The following CADM4 variants were observed in gnomAD, a reference collection of about 807,000 sequenced individuals.
CADM4 encodes TSLC1-like 2.
CADM4 carries 13 observed loss-of-function variants against 43.9 expected under a neutral mutation model. That is an observed-to-expected ratio of 0.30 (90% CI 0.19 to 0.47). CADM4 has a LOEUF of 0.47. Ranked by LOEUF, CADM4 falls within the 20% of genes least tolerant of loss-of-function variation. CADM4 has a pLI of 1.00. For missense variants in CADM4, 420 were observed against 527.0 expected (o/e 0.80, Z 1.99); for synonymous variants, 209 against 220.9 (o/e 0.95, Z 0.48).
upstream of CADM4, among the ~76,000 whole-genome samples, chr19:43,641,313 C>T (rs1973769149): frequency 6.6e-6 from 1 of 152,102 alleles, no homozygotes; most frequent in African/African-American, 2.4e-5. Flanking sequence ...ACATCCAGTC[C>T]CACAAGGGAC....
intron 1 of CADM4, among the ~76,000 whole-genome samples, chr19:43,637,017 TCTC>T (rs1366925216): frequency 6.6e-6 from 1 of 152,112 alleles, no homozygotes; most frequent in African/African-American, 2.4e-5. Context: ...ATCTGTTTCC[TCTC>T]CTCCTTTCTG....
intron 1 of CADM4, among the ~76,000 whole-genome samples, chr19:43,638,491 C>G (rs1169481667): frequency 6.6e-6 from 1 of 152,248 alleles, no homozygotes; most frequent in Non-Finnish European, 1.5e-5. Context: ...CCTTCCAATC[C>G]TCTGTTCCTT....
At chr19:43,634,026 T>C (rs796224221) in intron 1 of CADM4, among the ~76,000 whole-genome samples, 12 of 152,150 alleles carry the variant, frequency 7.9e-5, no homozygotes, top group African/African-American at 2.9e-4. Flanking sequence ...CCCGACAACT[T>C]TGTGACATCA....
intron 7 of CADM4, 101 bp from the exon 8 acceptor site, chr19:43,624,343 T>C: frequency 6.9e-7 from 1 of 1,449,846 alleles, no homozygotes; most frequent in Admixed American, 2.0e-5. Flanking sequence ...CGTCTAACCG[T>C]GCCCTTTTAT....
At chr19:43,632,493 T>TA (rs1384696557) in intron 1 of CADM4, among the ~76,000 whole-genome samples, 1 of 152,130 alleles carries the variant, frequency 6.6e-6, no homozygotes, top group African/African-American at 2.4e-5. Flanking sequence ...TAGAATAAAA[T>TA]AGAGACCCCT....
rs1201232911 is a variant in CADM4, at chr19:43,625,580, AT to A, written c.755+330del. 2.6e-5 allele frequency among the ~76,000 whole-genome samples: 4 copies of A among 151,178 alleles called. No individual in the cohort carries two copies. Among genetic ancestry groups the A allele is most frequent in the Admixed American group, 6.6e-5 (1 of 15,178 alleles). Reference sequence around the variant, plus strand: ...GAGACCCCGTCACTACAATTAAAAAATAATAATAATAATAATAATAATTCTA... The same window carrying A: ...GAGACCCCGTCACTACAATTAAAAAAAATAATAATAATAATAATAATTCTA... On this transcript the variant is annotated intron_variant, in intron 6 of 8. Transcript: ENST00000222374. The surrounding 1 kb of genome is among the most constrained non-coding windows in gnomAD (Gnocchi z 4.5).
intron 1 of CADM4, among the ~76,000 whole-genome samples, chr19:43,633,664 C>CTCTTTCTCTT (rs1555777269): frequency 6.1e-4 from 90 of 148,458 alleles, no homozygotes; most frequent in South Asian, 3.9e-3. Context: ...CTTTCTCTCT[C>CTCTTTCTCTT]TCTTTCTTTC....
At chr19:43,638,563 G>A (rs1973731586) in intron 1 of CADM4, among the ~76,000 whole-genome samples, 2 of 152,238 alleles carry the variant, frequency 1.3e-5, no homozygotes. Flanking sequence ...CTTACACAGT[G>A]TGAGAGTGTG....
rs1973467181 is a variant in CADM4 at position 43,623,255 on chromosome 19, T to C, written c.*75A>G. The C allele has an allele frequency of 9.6e-7, 1 of 1,045,422 alleles. No homozygotes were observed. The highest frequency in any genetic ancestry group is 1.5e-6 in the Non-Finnish European group (1 of 670,452). 64.8% of individuals were successfully genotyped at this position (1,045,422 alleles called of 1,614,324 possible). ...CCATCCCAGACTCTGGTAAATGTCT[T>C]TGCTGGTTCCTTGCAGCTGGCAGTG... On this transcript the variant is annotated 3_prime_UTR_variant, in exon 9 of 9. Transcript: ENST00000222374. This position sits in a 1 kb window ranked among gnomAD's most constrained non-coding sequence, Gnocchi z 4.4.
chr19:43,623,215 G>T lies in CADM4; in HGVS notation c.*115C>A. 2 of 757,118 alleles carry T rather than the reference G, an allele frequency of 2.6e-6. No individual in the cohort carries two copies. Among genetic ancestry groups the T allele is most frequent in the Admixed American group, 1.9e-5 (1 of 53,398 alleles). 46.9% of individuals were successfully genotyped at this position (757,118 alleles called of 1,614,324 possible). ...CCCAAGCGTCTGAGGTGTTAGTGGT[G>T]GGGGGAGAAGCCCACCATCCCAGAC... On this transcript the variant is annotated 3_prime_UTR_variant, in exon 9 of 9. Transcript: ENST00000222374. This position sits in a 1 kb window ranked among gnomAD's most constrained non-coding sequence, Gnocchi z 4.4.
intron 1 of CADM4, among the ~76,000 whole-genome samples, chr19:43,632,552 C>T (rs905803557): frequency 2.0e-5 from 3 of 152,136 alleles, no homozygotes; most frequent in East Asian, 1.9e-4. Flanking sequence ...GCTGACCTTA[C>T]TTCACTCTGG....
chr19:43,626,882 T>C lies in CADM4; in HGVS notation c.401A>G (p.Gln134Arg). The C allele has an allele frequency of 6.2e-7, 1 of 1,608,014 alleles. No homozygotes were observed. The highest frequency in any genetic ancestry group is 8.5e-7 in the Non-Finnish European group (1 of 1,178,254). ...PENPVVEVRE[Q>R]AVEGGEVELS... ...CTCCACCTCGCCGCCCTCTACCGCC[T>C]GCTCCCGGACCTCCACCACAGGATT... Residue 134 changes from glutamine (Q) to arginine (R), a missense_variant, in exon 4 of 9, where the codon CAG (glutamine) becomes CGG (arginine). Physicochemically the swap from Gln to Arg is conservative, Grantham distance 43. Coordinates refer to ENST00000222374, the MANE Select transcript of CADM4 (RefSeq NM_145296.2). This position sits in a 1 kb window ranked among gnomAD's most constrained non-coding sequence, Gnocchi z 5.9.
chr19:43,639,866 C>A (rs1239285011), upstream of CADM4: 1 of 972,592 alleles, frequency 1.0e-6, no homozygotes, highest in Admixed American at 6.4e-5. Context: ...CCCCGCCCCC[C>A]GCGCCCCGCC....
chr19:43,639,618 C>T (rs1156256091), intron 1 of CADM4, 109 bp downstream of exon 1: 3 of 661,914 alleles, frequency 4.5e-6, no homozygotes, highest in African/African-American at 2.0e-5. Context: ...GGGGCCCGGC[C>T]CGGCCCCGCG....
chr19:43,635,224 C>A (rs1027288661), intron 1 of CADM4, among the ~76,000 whole-genome samples: 1 of 152,012 alleles, frequency 6.6e-6, no homozygotes, highest in Non-Finnish European at 1.5e-5. Flanking sequence ...ACCACCACCC[C>A]CTCTGTATCC....
Position 43,626,236 on chromosome 19 carries a change from T to A in CADM4, c.552A>T (p.Val184=), listed in dbSNP as rs1232655319. The part of the protein sequence containing the change: ...NGKVWSVAST[V]RFRVDRKDDG... ...CGTCCTTACGGTCCACACGAAACCGTACTGTGCTTGCCACGCTCCAGACCT... is the reference window on the plus strand; with the variant it reads ...CGTCCTTACGGTCCACACGAAACCGAACTGTGCTTGCCACGCTCCAGACCT... The change falls in exon 5 of 9, where the codon GTA becomes GTT. Residue 184 remains valine (V), a synonymous_variant. Coordinates refer to ENST00000222374, the MANE Select transcript of CADM4 (RefSeq NM_145296.2). The surrounding 1 kb of genome is among the most constrained non-coding windows in gnomAD (Gnocchi z 5.9). The A allele has an allele frequency of 6.2e-7, 1 of 1,613,428 alleles. No individual in the cohort carries two copies. The highest frequency in any genetic ancestry group is 8.5e-7 in the Non-Finnish European group (1 of 1,180,018).
At chr19:43,639,964 G>A (rs1185237209), upstream of CADM4, 2 of 367,760 alleles carry the variant, frequency 5.4e-6, no homozygotes, top group African/African-American at 4.5e-5. Context: ...AGACAATCGG[G>A]GGGACGGCAC....
chr19:43,627,205 C>T lies in CADM4; in HGVS notation c.325G>A (p.Glu109Lys). 1.9e-6 allele frequency: 3 copies of T among 1,610,596 alleles called. No homozygotes were observed. The highest frequency in any genetic ancestry group is 2.5e-6 in the Non-Finnish European group (3 of 1,178,024). The change falls in exon 3 of 9, where the codon GAA becomes AAA. Residue 109 changes from glutamate to lysine, a missense_variant. Transcript: ENST00000222374. The surrounding 1 kb of genome is among the most constrained non-coding windows in gnomAD (Gnocchi z 4.0). ...EGGYFCQLYT[E>K]DTHHQIATLT... ...GTGGCAATCTGGTGGTGGGTGTCTT[C>T]TGTGTAGAGCTGGCAGAAATAGCCC... is the stretch of plus-strand genomic sequence containing the variant.
chr19:43,639,681 GC>G (rs1369393326), intron 1 of CADM4, 45 bp downstream of exon 1: 1 of 964,866 alleles, frequency 1.0e-6, no homozygotes, highest in Non-Finnish European at 1.2e-6. Context: ...ACCACAGCGC[GC>G]CCCCCGCCCC....
Sources: allele counts gnomAD v4.1 joint callset (sites outside exome capture counted in the v4.1 genomes callset), GRCh38; gene constraint gnomAD v4.1.1; non-coding constraint Gnocchi (gnomAD v3.1); transcripts MANE v1.5; gene names NCBI Gene and HGNC (gene_info 2026-07-23, HGNC 2026-07-21).